The following DOCK4 variants were observed in gnomAD, a reference collection of about 807,000 sequenced individuals.
DOCK4 encodes the protein dedicator of cytokinesis protein 4.
Under a neutral mutation model 268.1 loss-of-function variants are expected in DOCK4, and 97 were observed. That is an observed-to-expected ratio of 0.36 (90% CI 0.31 to 0.43). DOCK4 has a LOEUF of 0.43. Among genes scored for constraint, DOCK4 ranks in the 20% least tolerant of loss-of-function variants. The probability of loss-of-function intolerance (pLI) is 1.00; values close to 1 mark genes in which losing one functional copy is unlikely to be tolerated. For synonymous variants in DOCK4, 954 were observed against 887.2 expected (o/e 1.08, Z -1.34); for missense variants, 2,145 against 2,455.7 (o/e 0.87, Z 2.67).
chr7:112,165,523 C>CGTGT (rs112020512), intron 1 of DOCK4, among the ~76,000 whole-genome samples: 9,835 of 126,460 alleles, frequency 0.078, 495 homozygotes, highest in Middle Eastern at 0.14. Context: ...GAATAGTATA[C>CGTGT]GTGTGTGTGT....
chr7:111,746,219 C>A, intron 44 of DOCK4, 115 bp downstream of exon 44: 1 of 751,314 alleles, frequency 1.3e-6, no homozygotes, highest in Non-Finnish European at 2.2e-6. Context: ...ATCTGTCACC[C>A]TTGCTTGCCA....
chr7:111,756,992 G>A (rs1011379405), intron 41 of DOCK4, among the ~76,000 whole-genome samples: 24 of 152,234 alleles, frequency 1.6e-4, no homozygotes, highest in African/African-American at 4.8e-4. Context: ...AGGGGGTGAC[G>A]CGTGAGCTGC....
chr7:111,895,637 C>T lies in DOCK4; in HGVS notation c.1562G>A (p.Gly521Asp). 1 of 1,613,886 alleles carries T rather than the reference C, an allele frequency of 6.2e-7. No individual in the cohort carries two copies. Among genetic ancestry groups the T allele is most frequent in the Non-Finnish European group, 8.5e-7 (1 of 1,179,852 alleles). The change falls in exon 16 of 53, where the codon GGC becomes GAC. Residue 521 changes from glycine to aspartate, a missense_variant. By Grantham distance (94) the Gly-to-Asp change is moderately conservative (BLOSUM62 -1). Around this residue, in one of 2 missense-constraint regions of DOCK4, gnomAD observed 1,598 missense variants for 1,986.7 expected, o/e 0.80. Coordinates refer to ENST00000428084, the MANE Select transcript of DOCK4 (RefSeq NM_001363540.2). ...CTTATGCACGATGAGCTCATGAGTGCCATCTGGAAGAGTCCTACCATCTTC... is the reference window on the plus strand; with the variant it reads ...CTTATGCACGATGAGCTCATGAGTGTCATCTGGAAGAGTCCTACCATCTTC... ...MQEDGRTLPD[G>D]THELIVHKCE...
At chr7:112,002,559 C>T (rs1800511805) in intron 2 of DOCK4, among the ~76,000 whole-genome samples, 1 of 152,140 alleles carries the variant, frequency 6.6e-6, no homozygotes, top group African/African-American at 2.4e-5. Context: ...TCCGATATCA[C>T]CAGCATCTAA....
intron 1 of DOCK4, among the ~76,000 whole-genome samples, chr7:112,081,459 A>T (rs1808576784): frequency 2.6e-5 from 4 of 152,128 alleles, no homozygotes; most frequent in Admixed American, 2.6e-4. Context: ...CTGACACGAA[A>T]AGTGCAGATG....
intron 44 of DOCK4, among the ~76,000 whole-genome samples, chr7:111,744,098 A>G (rs2097712): frequency 0.96 from 146,223 of 152,320 alleles, 70,211 homozygotes; most frequent in Middle Eastern, 0.98. Flanking sequence ...TGGTCTGTCA[A>G]AGTTGTCCTG....
intron 30 of DOCK4, among the ~76,000 whole-genome samples, chr7:111,796,124 G>T (rs969116610): frequency 3.3e-5 from 5 of 152,234 alleles, no homozygotes; most frequent in Middle Eastern, 3.4e-3. Flanking sequence ...TTGGGAATGG[G>T]TGCTCCCCAG....
chr7:111,779,644 C>T (rs910104461), intron 35 of DOCK4, among the ~76,000 whole-genome samples: 2 of 152,274 alleles, frequency 1.3e-5, no homozygotes, highest in East Asian at 1.9e-4. Flanking sequence ...CCACCTGCCT[C>T]GGCCTCCCAA....
At chr7:112,091,595 A>G (rs555281006) in intron 1 of DOCK4, among the ~76,000 whole-genome samples, 21 of 152,302 alleles carry the variant, frequency 1.4e-4, no homozygotes, top group African/African-American at 5.1e-4. Flanking sequence ...AATTTCCCAC[A>G]GACTCAGCAC....
At chr7:112,105,054 ACT>A (rs1346248899) in intron 1 of DOCK4, among the ~76,000 whole-genome samples, 2 of 152,144 alleles carry the variant, frequency 1.3e-5, no homozygotes, top group Non-Finnish European at 2.9e-5. Context: ...ACAGGAAGAT[ACT>A]GGCCATTGTC....
intron 13 of DOCK4, among the ~76,000 whole-genome samples, chr7:111,909,130 A>C (rs1791872772): frequency 6.6e-6 from 1 of 152,236 alleles, no homozygotes. Flanking sequence ...ACTCCCACCA[A>C]CAGTGTAAAA....
Position 111,970,399 on chromosome 7 carries a change from G to A in DOCK4, c.701+6733C>T, listed in dbSNP as rs1017229881. Among the ~76,000 whole-genome samples, 15 of 152,068 alleles carry A rather than the reference G, an allele frequency of 9.9e-5. 1 individual carries two copies. The highest frequency in any genetic ancestry group is 3.6e-4 in the African/African-American group (15 of 41,402). On this transcript the variant is annotated intron_variant, in intron 8 of 52. Transcript: ENST00000428084. ...GGATATTAGTAGTATCCACTGTATA[G>A]AGTGTTACAAGGGCTGATTAAATTA...
Position 111,989,130 on chromosome 7 carries a change from G to C in DOCK4, c.349C>G (p.His117Asp). 6.2e-7 allele frequency: 1 copy of C among 1,613,978 alleles called. No individual in the cohort carries two copies. The highest frequency in any genetic ancestry group is 8.5e-7 in the Non-Finnish European group (1 of 1,179,872). ...NEGDLFHRLW[H>D]IMNEILDLRR... ...AGGTCCAGGATTTCATTCATGATGTGCCACAGCCGGTGGAAGAGATCGCCT... is the reference window on the plus strand; with the variant it reads ...AGGTCCAGGATTTCATTCATGATGTCCCACAGCCGGTGGAAGAGATCGCCT... Residue 117 changes from histidine to aspartate, a missense_variant, in exon 6 of 53, where the codon CAC becomes GAC. Around this residue, in one of 2 missense-constraint regions of DOCK4, gnomAD observed 1,598 missense variants for 1,986.7 expected, o/e 0.80. Transcript: ENST00000428084.
intron 7 of DOCK4, among the ~76,000 whole-genome samples, chr7:111,978,470 G>A (rs903218679): frequency 3.3e-5 from 5 of 152,182 alleles, no homozygotes; most frequent in African/African-American, 1.2e-4. Flanking sequence ...GGACTCAAGT[G>A]ATCCTCCTGC....
intron 40 of DOCK4, 69 bp downstream of exon 40, chr7:111,760,112 G>A: frequency 6.3e-7 from 1 of 1,577,380 alleles, no homozygotes; most frequent in Non-Finnish European, 8.7e-7. Context: ...GAACAACCTT[G>A]CATGGAAATG....
intron 18 of DOCK4, 22 bp from the exon 19 acceptor site, chr7:111,872,374 A>T: frequency 6.5e-7 from 1 of 1,531,664 alleles, no homozygotes. Flanking sequence ...AGAAGTAGCA[A>T]ATGAGTAAAT....
chr7:111,988,900 A>T (rs982489158), intron 6 of DOCK4, 115 bp downstream of exon 6: 7 of 1,410,706 alleles, frequency 5.0e-6, no homozygotes, highest in Non-Finnish European at 5.7e-6. Flanking sequence ...AAAACAGGAA[A>T]CATGAAAAAG....
intron 1 of DOCK4, among the ~76,000 whole-genome samples, chr7:112,045,366 T>C (rs1804744272): frequency 6.6e-6 from 1 of 152,276 alleles, no homozygotes. Context: ...CTTACTCTAA[T>C]TTATCTTCCT....
intron 1 of DOCK4, among the ~76,000 whole-genome samples, chr7:112,124,232 G>A (rs893142887): frequency 6.6e-6 from 1 of 152,112 alleles, no homozygotes; most frequent in South Asian, 2.1e-4. Flanking sequence ...TGTCGTCCAG[G>A]CTGGTCCTGA....
Sources: gnomAD v4.1 joint callset for allele counts (sites outside exome capture counted in the v4.1 genomes callset) on GRCh38, gnomAD v4.1.1 for gene constraint, gnomAD v4.1.1 regional missense constraint, MANE v1.5 for transcripts, NCBI Gene and HGNC (gene_info 2026-07-23, HGNC 2026-07-21) for gene names.